SYNDIG1L: variants seen among roughly 807,000 people sequenced by gnomAD.
The protein encoded by SYNDIG1L is synapse differentiation-inducing gene protein 1-like.
In SYNDIG1L, 13 loss-of-function variants were observed where a neutral mutation model predicts 20.1. That is an observed-to-expected ratio of 0.65 (90% CI 0.42 to 1.03). The LOEUF (loss-of-function observed/expected upper bound fraction) is 1.03. SYNDIG1L is among the 50% of genes least tolerant of loss of function. The pLI, the probability that SYNDIG1L is intolerant of heterozygous loss-of-function variation, is 0.00. For synonymous variants in SYNDIG1L, 128 were observed against 129.3 expected (o/e 0.99, Z 0.07); for missense variants, 294 against 305.1 (o/e 0.96, Z 0.27).
intron 1 of SYNDIG1L, among the ~76,000 whole-genome samples, chr14:74,420,061 G>A (rs1381743190): frequency 6.6e-6 from 1 of 152,104 alleles, no homozygotes; most frequent in Non-Finnish European, 1.5e-5. Context: ...TAAGGTGGGT[G>A]AGAATGGAGG....
the SYNDIG1L span, among the ~76,000 whole-genome samples, chr14:74,441,044 G>A: frequency 6.6e-6 from 1 of 152,180 alleles, no homozygotes; most frequent in African/African-American, 2.4e-5. Context: ...AGATAAGGCA[G>A]TTAATGGGTT....
At chr14:74,464,264 C>T in the SYNDIG1L span, among the ~76,000 whole-genome samples, 1 of 152,118 alleles carries the variant, frequency 6.6e-6, no homozygotes, top group Non-Finnish European at 1.5e-5. Flanking sequence ...ATATCACCTC[C>T]TTCAGGAAGC....
At chr14:74,423,506 C>T (rs889540948) in intron 1 of SYNDIG1L, among the ~76,000 whole-genome samples, 2 of 152,258 alleles carry the variant, frequency 1.3e-5, no homozygotes, top group Non-Finnish European at 2.9e-5. Flanking sequence ...AAAGCGATGA[C>T]GTGAGGAGGG....
intron 1 of SYNDIG1L, among the ~76,000 whole-genome samples, chr14:74,412,370 T>C (rs1043767977): frequency 6.6e-6 from 1 of 152,208 alleles, no homozygotes; most frequent in African/African-American, 2.4e-5. Flanking sequence ...ATGTGAGCTC[T>C]GTAAGCCGTA....
At chr14:74,452,988 C>T in the SYNDIG1L span, among the ~76,000 whole-genome samples, 57 of 152,230 alleles carry the variant, frequency 3.7e-4, no homozygotes, top group African/African-American at 1.3e-3. Flanking sequence ...GAAAAGTGTA[C>T]ATACAGTATT....
the SYNDIG1L span, among the ~76,000 whole-genome samples, chr14:74,478,930 G>A: frequency 1.3e-5 from 2 of 152,104 alleles, no homozygotes; most frequent in Non-Finnish European, 1.5e-5. Context: ...CACACAGAGA[G>A]ATGAAGTGAT....
the SYNDIG1L span, among the ~76,000 whole-genome samples, chr14:74,451,446 G>A: frequency 6.6e-6 from 1 of 152,128 alleles, no homozygotes; most frequent in Non-Finnish European, 1.5e-5. Flanking sequence ...GAGCTAATTT[G>A]TAAAACCTGA....
intron 1 of SYNDIG1L, among the ~76,000 whole-genome samples, chr14:74,411,834 C>A (rs1207310511): frequency 6.6e-6 from 1 of 152,178 alleles, no homozygotes; most frequent in Non-Finnish European, 1.5e-5. Flanking sequence ...AGCTGGGCTC[C>A]AAGAACATCT....
At chr14:74,407,777 T>C in intron 3 of SYNDIG1L, 72 bp downstream of exon 3, 1 of 1,576,758 alleles carries the variant, frequency 6.3e-7, no homozygotes, top group Non-Finnish European at 8.6e-7. Context: ...GACCCCATCC[T>C]GCAGACGGGA....
the SYNDIG1L span, chr14:74,474,992 G>C: frequency 1.3e-5 from 2 of 152,200 alleles, no homozygotes; most frequent in African/African-American, 4.8e-5. Flanking sequence ...AGGAAGGTAA[G>C]CAGACACATA....
chr14:74,469,299 T>C, the SYNDIG1L span, among the ~76,000 whole-genome samples: 1 of 143,274 alleles, frequency 7.0e-6, no homozygotes, highest in Non-Finnish European at 1.5e-5. Context: ...ATGTTCTCAC[T>C]CATAGGTGGG....
rs1230906231 is a variant in SYNDIG1L at position 74,409,339 on chromosome 14, C to T, written c.406G>A (p.Glu136Lys). The T allele has an allele frequency of 7.1e-6, 11 of 1,556,798 alleles. No homozygotes were observed. Among genetic ancestry groups the T allele is most frequent in the Non-Finnish European group, 9.6e-6 (11 of 1,150,332 alleles). ...CCTCATGCACTCACCTCCTCTTCCT[C>T]CTGGTCATCCTCCTGGTCCCGCAGC... ...EELRDQEDDQ[E>K]EEESDATSTE... Residue 136 changes from glutamate (E) to lysine (K), a missense_variant, in exon 2 of 4, where the codon GAG becomes AAG. Physicochemically the swap from Glu to Lys is moderately conservative, Grantham distance 56. Transcript: ENST00000331628.
the SYNDIG1L span, among the ~76,000 whole-genome samples, chr14:74,465,755 C>T: frequency 1.3e-5 from 2 of 152,224 alleles, no homozygotes; most frequent in Non-Finnish European, 2.9e-5. Context: ...TCAGCTCCCC[C>T]TGGCCCTCAC....
At chr14:74,411,652 G>A (rs2086131363) in intron 1 of SYNDIG1L, among the ~76,000 whole-genome samples, 1 of 152,218 alleles carries the variant, frequency 6.6e-6, no homozygotes, top group Non-Finnish European at 1.5e-5. Context: ...CAAGGGAGGA[G>A]TGGGGCCAAT....
At chr14:74,416,447 G>A (rs991180528) in intron 1 of SYNDIG1L, among the ~76,000 whole-genome samples, 2 of 151,982 alleles carry the variant, frequency 1.3e-5, no homozygotes, top group South Asian at 2.1e-4. Context: ...CAGCCTGGGC[G>A]ATATAATGAA....
rs2086092261 is a variant in SYNDIG1L, at chr14:74,407,483, C to T, written c.*52G>A. The T allele has an allele frequency of 6.2e-7, 1 of 1,609,036 alleles. No homozygotes were observed. The highest frequency in any genetic ancestry group is 8.5e-7 in the Non-Finnish European group (1 of 1,179,328). The stretch of plus-strand genomic sequence containing the variant: ...TCCATAGGGTCTGCAACTCCAAGCC[C>T]CACTGCTTCCTCAGGTGGGCAGGGG... On this transcript the variant is annotated 3_prime_UTR_variant, in exon 4 of 4. Transcript: ENST00000331628.
chr14:74,422,512 C>T (rs2086230332), intron 1 of SYNDIG1L, among the ~76,000 whole-genome samples: 2 of 152,092 alleles, frequency 1.3e-5, no homozygotes, highest in Middle Eastern at 3.4e-3. Flanking sequence ...CTCTAGGATG[C>T]ACAGATGAAT....
chr14:74,458,576 C>T, the SYNDIG1L span, among the ~76,000 whole-genome samples: 1,488 of 146,564 alleles, frequency 0.01, 22 homozygotes, highest in African/African-American at 0.034. Flanking sequence ...GAGCCAAGAT[C>T]GCACCATTGC....
chr14:74,468,720 C>T, the SYNDIG1L span, among the ~76,000 whole-genome samples: 8 of 152,132 alleles, frequency 5.3e-5, no homozygotes, highest in African/African-American at 1.9e-4. Context: ...CACTCACCTC[C>T]CACTGACCCA....
Sources: gnomAD v4.1 joint callset for allele counts (sites outside exome capture counted in the v4.1 genomes callset) on GRCh38, gnomAD v4.1.1 for gene constraint, MANE v1.5 for transcripts, NCBI Gene and HGNC (gene_info 2026-07-23, HGNC 2026-07-21) for gene names.